Variants in GRIN2A observed in about 807,000 individuals in gnomAD.
GRIN2A encodes glutamate ionotropic receptor NMDA type subunit 2A, also known as glutamate receptor ionotropic, NMDA 2A.
A neutral mutation model predicts 113.4 loss-of-function variants in GRIN2A; 22 were observed. That is an observed-to-expected ratio of 0.19 (90% CI 0.14 to 0.28). The LOEUF (loss-of-function observed/expected upper bound fraction) is 0.28, where lower values mean the gene tolerates loss of function less well. GRIN2A is among the 10% of genes least tolerant of loss of function. The pLI is 1.00. For missense variants in GRIN2A, 1,502 were observed against 1,887.0 expected (o/e 0.80, Z 3.78); for synonymous variants, 827 against 738.4 (o/e 1.12, Z -1.94).
At position 10,133,336 on chromosome 16, in the gene GRIN2A, A is replaced by C. The variant is rs145141564; in HGVS notation, c.414+46662T>G. 8.5e-5 allele frequency among the ~76,000 whole-genome samples: 13 copies of C among 152,350 alleles called. No homozygotes were observed. In the East Asian group the frequency reaches 2.5e-3, roughly 29 times the overall value. On this transcript the variant is annotated intron_variant, in intron 2 of 12. Transcript: ENST00000330684. ...ATCAAAATCTCATCAGACCAGGCAC[A>C]GTGACTCATGCCTGTAATCCCAGCA...
intron 2 of GRIN2A, among the ~76,000 whole-genome samples, chr16:9,973,739 C>T (rs950385380): frequency 1.3e-5 from 2 of 152,004 alleles, no homozygotes; most frequent in South Asian, 4.2e-4. Context: ...AGATTAGAAA[C>T]TACAGAGTCC....
At chr16:10,052,821 G>A (rs1211910580) in intron 2 of GRIN2A, among the ~76,000 whole-genome samples, 1 of 152,104 alleles carries the variant, frequency 6.6e-6, no homozygotes, top group South Asian at 2.1e-4. Context: ...GCCAAGGTGG[G>A]CAGATCACCT....
At chr16:10,028,922 G>C (rs1178496280) in intron 2 of GRIN2A, among the ~76,000 whole-genome samples, 2 of 152,178 alleles carry the variant, frequency 1.3e-5, no homozygotes, top group Admixed American at 6.5e-5. Flanking sequence ...CAAATCTTGT[G>C]CTAAGGCATT....
intron 2 of GRIN2A, among the ~76,000 whole-genome samples, chr16:10,077,114 C>A (rs1596482190): frequency 6.6e-6 from 1 of 152,128 alleles, no homozygotes; most frequent in African/African-American, 2.4e-5. Context: ...GACCACAAGC[C>A]AAAGGGTACA....
chr16:9,949,454 G>T (rs769269454), intron 2 of GRIN2A, among the ~76,000 whole-genome samples: 25 of 151,892 alleles, frequency 1.6e-4, no homozygotes, highest in Admixed American at 3.3e-4. Context: ...TGAATGGATG[G>T]GTGGGCAGAT....
chr16:10,101,905 A>G (rs564809283), intron 2 of GRIN2A, among the ~76,000 whole-genome samples: 2 of 152,308 alleles, frequency 1.3e-5, no homozygotes, highest in Admixed American at 6.5e-5. Context: ...TTTAGTCTCA[A>G]TTTCTAGAAC....
At position 10,180,582 on chromosome 16, in the gene GRIN2A, GC is replaced by G; in HGVS notation, c.-18-154del. On this transcript the variant is annotated intron_variant, in intron 1 of 12. Transcript: ENST00000330684. This position sits in a 1 kb window ranked among gnomAD's most constrained non-coding sequence, Gnocchi z 7.0. The stretch of plus-strand genomic sequence containing the variant: ...ACGGACTCCATTCCGAGTCCCCGAC[GC>G]CATCCACATCCCTCGATCCATCTCT... 2.3e-6 allele frequency: 2 copies of G among 863,978 alleles called. No homozygotes were observed. Among genetic ancestry groups the G allele is most frequent in the Non-Finnish European group, 2.8e-6 (2 of 719,046 alleles). 53.5% of individuals were successfully genotyped at this position (863,978 alleles called of 1,614,324 possible).
chr16:9,912,859 T>A (rs2044173692), intron 3 of GRIN2A, among the ~76,000 whole-genome samples: 2 of 152,246 alleles, frequency 1.3e-5, no homozygotes, highest in Admixed American at 6.5e-5. Context: ...CAGTAATAGC[T>A]GTGCTGTTCA....
intron 2 of GRIN2A, among the ~76,000 whole-genome samples, chr16:10,049,924 C>T (rs1308978828): frequency 6.6e-6 from 1 of 152,072 alleles, no homozygotes; most frequent in Non-Finnish European, 1.5e-5. Context: ...TTCTGATAAC[C>T]CAGTGGAAAA....
intron 3 of GRIN2A, among the ~76,000 whole-genome samples, chr16:9,903,800 G>C (rs1342793868): frequency 6.6e-6 from 1 of 152,188 alleles, no homozygotes; most frequent in Non-Finnish European, 1.5e-5. Context: ...ATTTTAAAAA[G>C]ACACCTCTTT....
At chr16:9,979,985 C>T (rs1292001291) in intron 2 of GRIN2A, among the ~76,000 whole-genome samples, 1 of 151,540 alleles carries the variant, frequency 6.6e-6, no homozygotes. Context: ...ATAGTCCAGA[C>T]ATGGTAGCTC....
Position 9,759,068 on chromosome 16 carries a change from T to C in GRIN2A, c.*4081A>G, listed in dbSNP as rs1254944270. On this transcript the variant is annotated 3_prime_UTR_variant, in exon 13 of 13. Coordinates refer to ENST00000330684, the MANE Select transcript of GRIN2A (RefSeq NM_001134407.3). The stretch of plus-strand genomic sequence containing the variant: ...CGCATGTCCCCTTTTCAAGGATTCA[T>C]GCACAACAGCTATGCACAAAGAAAC... The C allele has an allele frequency of 4.6e-6, 1 of 219,636 alleles. No individual in the cohort carries two copies. The highest frequency in any genetic ancestry group is 9.1e-6 in the Non-Finnish European group (1 of 109,440). 13.6% of individuals were successfully genotyped at this position (219,636 alleles called of 1,614,324 possible). A position where few individuals can be genotyped will look rare whatever the true frequency, so the allele number is the denominator to read the frequency against.
chr16:10,081,030 G>A (rs569589408), intron 2 of GRIN2A, among the ~76,000 whole-genome samples: 2 of 152,330 alleles, frequency 1.3e-5, no homozygotes, highest in African/African-American at 4.8e-5. Flanking sequence ...CAGAATCAGA[G>A]TGGTCTTTTT....
At chr16:10,110,556 T>TG (rs1336397788) in intron 2 of GRIN2A, among the ~76,000 whole-genome samples, 1 of 152,138 alleles carries the variant, frequency 6.6e-6, no homozygotes, top group African/African-American at 2.4e-5. Flanking sequence ...CAGCCAGGAC[T>TG]GGGGGGTGCA....
chr16:9,768,349 G>A (rs984153341), intron 12 of GRIN2A, among the ~76,000 whole-genome samples: 19 of 152,244 alleles, frequency 1.2e-4, no homozygotes, highest in African/African-American at 4.6e-4. Flanking sequence ...ACCGTGCCCG[G>A]CCAAAAAATT....
intron 7 of GRIN2A, 65 bp from the exon 8 acceptor site, chr16:9,834,295 A>C (rs1450561520): frequency 6.5e-7 from 1 of 1,536,754 alleles, no homozygotes; most frequent in Non-Finnish European, 9.0e-7. Flanking sequence ...TCCAGCAGGA[A>C]GCCCAGACAT....
chr16:9,770,036 G>A (rs1408394226), intron 11 of GRIN2A, among the ~76,000 whole-genome samples: 1 of 152,166 alleles, frequency 6.6e-6, no homozygotes, highest in East Asian at 1.9e-4. Flanking sequence ...CCAATGGGGG[G>A]AAGAAAAGAG....
chr16:9,796,776 C>A (rs1457250236), intron 11 of GRIN2A, among the ~76,000 whole-genome samples: 1 of 152,194 alleles, frequency 6.6e-6, no homozygotes, highest in African/African-American at 2.4e-5. Flanking sequence ...CCACCCCAGG[C>A]AGAGCTTCTC....
chr16:9,927,110 T>A (rs1192416497), intron 3 of GRIN2A, among the ~76,000 whole-genome samples: 1 of 152,228 alleles, frequency 6.6e-6, no homozygotes, highest in Non-Finnish European at 1.5e-5. Context: ...TGAATCATGA[T>A]TTTTAATTGA....
Sources: allele counts gnomAD v4.1 joint callset (sites outside exome capture counted in the v4.1 genomes callset), GRCh38; gene constraint gnomAD v4.1.1; non-coding constraint Gnocchi (gnomAD v3.1); transcripts MANE v1.5; gene names NCBI Gene and HGNC (gene_info 2026-07-23, HGNC 2026-07-21).